The following BRSK2 variants were observed in gnomAD, a reference collection of about 807,000 sequenced individuals.
BRSK2 encodes serine/threonine-protein kinase BRSK2.
BRSK2 carries 19 observed loss-of-function variants against 83.3 expected under a neutral mutation model. The ratio of observed to expected loss-of-function variants is 0.23; its 90% CI spans 0.16 to 0.33. BRSK2 has a LOEUF of 0.33. Among genes scored for constraint, BRSK2 ranks in the 10% least tolerant of loss-of-function variants. The pLI is 1.00. For synonymous variants in BRSK2, 519 were observed against 435.4 expected, an observed-to-expected ratio of 1.19 and a Z score of -2.39; for missense variants, 798 against 1,042.3, an observed-to-expected ratio of 0.77 and a Z score of 3.23.
At chr11:1,404,837 A>G (rs1437800906) in intron 1 of BRSK2, among the ~76,000 whole-genome samples, 2 of 152,118 alleles carry the variant, frequency 1.3e-5, no homozygotes, top group Non-Finnish European at 2.9e-5. Flanking sequence ...TGGGACAGGC[A>G]GGCTCGCCGG....
chr11:1,443,136 C>A lies in BRSK2; in HGVS notation c.561C>A (p.Ile187=). 1.3e-6 allele frequency: 2 copies of A among 1,537,048 alleles called. No individual in the cohort carries two copies. Among genetic ancestry groups the A allele is most frequent in the Non-Finnish European group, 8.7e-7 (1 of 1,146,272 alleles). ...CCCACTACGCCTGCCCCGAGGTGAT[C>A]CGGGTGAGTCAGCGCCGCCGCGTGC... The part of the protein sequence containing the change: ...GSPHYACPEV[I]RGEKYDGRKA... The change falls in exon 6 of 20, where the codon ATC becomes ATA. Residue 187 remains isoleucine, a synonymous_variant. Transcript: ENST00000528841.
At position 1,454,688 on chromosome 11, in the gene BRSK2, C is replaced by A. The variant is rs781709796; in HGVS notation, c.1668+80C>A. ...CAGCCCCGAGAATCCAGCCTCCTCA[C>A]GTAGACAGGACATGTCCACGCGCAC... On this transcript the variant is annotated intron_variant, in intron 16 of 19. Transcript: ENST00000528841. The surrounding 1 kb of genome is among the most constrained non-coding windows in gnomAD (Gnocchi z 5.2). 8.4e-6 allele frequency: 13 copies of A among 1,556,010 alleles called. No individual in the cohort carries two copies. The Admixed American group carries it at 2.2e-4, about 27-fold the overall frequency.
intron 15 of BRSK2, among the ~76,000 whole-genome samples, chr11:1,453,321 C>T (rs1388587006): frequency 6.6e-6 from 1 of 152,182 alleles, no homozygotes; most frequent in Non-Finnish European, 1.5e-5. Flanking sequence ...CTATTTTTGC[C>T]AAATGCTGCA....
chr11:1,460,461 CTTTT>C (rs398015179), intron 19 of BRSK2, 35 bp from the exon 20 acceptor site: 1,341 of 542,128 alleles, frequency 2.5e-3, no homozygotes, highest in East Asian at 5.3e-3. Flanking sequence ...TTCTTTTTTC[CTTTT>C]TTTTTTTTTT....
intron 1 of BRSK2, among the ~76,000 whole-genome samples, chr11:1,413,315 C>T (rs1847751534): frequency 6.6e-6 from 1 of 152,048 alleles, no homozygotes. Context: ...TCTGGCCCAC[C>T]CCTCCCACCC....
intron 1 of BRSK2, among the ~76,000 whole-genome samples, chr11:1,419,746 C>T (rs1243599354): frequency 6.6e-6 from 1 of 152,174 alleles, no homozygotes; most frequent in Admixed American, 6.5e-5. Context: ...CCCGTCTCTA[C>T]TAAAAATACA....
chr11:1,445,178 T>A (rs1851848860), intron 9 of BRSK2, 116 bp from the exon 10 acceptor site: 2 of 1,478,412 alleles, frequency 1.4e-6, no homozygotes, highest in South Asian at 1.3e-5. Context: ...CTCCCCGGGC[T>A]GGGCACAGGG....
intron 10 of BRSK2, 54 bp downstream of exon 10, chr11:1,445,512 C>T (rs1851911473): frequency 1.9e-6 from 3 of 1,605,232 alleles, no homozygotes; most frequent in Non-Finnish European, 2.5e-6. Context: ...GGGAGCGCTG[C>T]CCCGGAGGAG....
rs759612768 is a variant in BRSK2, at chr11:1,460,923, CCTCTGCCTGT to C, written c.*206_*215del. On this transcript the variant is annotated 3_prime_UTR_variant, in exon 20 of 20. Transcript: ENST00000528841. ...CCGCTCTCTTTTCTCTCTGTCTCTGCCTCTGCCTGTCTCTGACAGCATCGCTTGTTTCCAC... is the reference window on the plus strand; with the variant it reads ...CCGCTCTCTTTTCTCTCTGTCTCTGCCTCTGACAGCATCGCTTGTTTCCAC... The C allele has an allele frequency of 3.1e-6, 5 of 1,610,938 alleles. No homozygotes were observed. The South Asian group carries it at 4.4e-5, about 14-fold the overall frequency.
At chr11:1,414,052 G>A (rs1847841903) in intron 1 of BRSK2, among the ~76,000 whole-genome samples, 1 of 152,238 alleles carries the variant, frequency 6.6e-6, no homozygotes, top group Non-Finnish European at 1.5e-5. Context: ...TTCTCCATCT[G>A]TGCTTAGTTT....
chr11:1,428,940 CGT>C (rs1233485110), intron 1 of BRSK2, among the ~76,000 whole-genome samples: 7 of 146,844 alleles, frequency 4.8e-5, no homozygotes, highest in East Asian at 2.1e-4. Flanking sequence ...GTACTGGGTG[CGT>C]GTGTGTGCAC....
rs1399048820 is a variant in BRSK2 at position 1,454,713 on chromosome 11, C to G, written c.1668+105C>G. On this transcript the variant is annotated intron_variant, in intron 16 of 19. Transcript: ENST00000528841. This position sits in a 1 kb window ranked among gnomAD's most constrained non-coding sequence, Gnocchi z 5.2. ...CGTAGACAGGACATGTCCACGCGCA[C>G]AGCACGGACGTCCGCTCACCCGTGG... 8 of 1,415,426 alleles carry G rather than the reference C, an allele frequency of 5.7e-6. No homozygotes were observed. In the East Asian group the frequency reaches 1.9e-4, roughly 34 times the overall value. 87.7% of individuals were successfully genotyped at this position (1,415,426 alleles called of 1,614,324 possible).
chr11:1,435,903 A>AGGGG, intron 1 of BRSK2, 137 bp from the exon 2 acceptor site: 1 of 609,086 alleles, frequency 1.6e-6, no homozygotes, highest in South Asian at 2.2e-5. Context: ...CCAGGCGGGC[A>AGGGG]GGGGCCTCCG....
chr11:1,456,932 A>C (rs538385681), intron 18 of BRSK2: 4 of 1,595,662 alleles, frequency 2.5e-6, no homozygotes, highest in Admixed American at 1.7e-5. Flanking sequence ...ACCACACTGA[A>C]AGGCGCCTCT....
intron 1 of BRSK2, among the ~76,000 whole-genome samples, chr11:1,392,052 C>G (rs758690372): frequency 6.6e-6 from 1 of 152,152 alleles, no homozygotes; most frequent in Non-Finnish European, 1.5e-5. Context: ...CCCTCTCTCC[C>G]GAGTTATGAC....
At chr11:1,394,264 C>A (rs1845918919) in intron 1 of BRSK2, among the ~76,000 whole-genome samples, 1 of 118,448 alleles carries the variant, frequency 8.4e-6, no homozygotes, top group African/African-American at 3.4e-5. Flanking sequence ...GAGATGGGTC[C>A]TGGAGATGGG....
At chr11:1,413,381 A>G (rs1379731675) in intron 1 of BRSK2, among the ~76,000 whole-genome samples, 1 of 149,238 alleles carries the variant, frequency 6.7e-6, no homozygotes, top group Non-Finnish European at 1.5e-5. Flanking sequence ...CCCCAGGACC[A>G]TGGTAGGAGA....
chr11:1,436,554 C>A (rs572714629), intron 2 of BRSK2, among the ~76,000 whole-genome samples: 1 of 152,078 alleles, frequency 6.6e-6, no homozygotes. Flanking sequence ...TGGCCTCCGT[C>A]GGCTCCATCC....
At chr11:1,401,607 C>G (rs1322967057) in intron 1 of BRSK2, among the ~76,000 whole-genome samples, 3 of 152,262 alleles carry the variant, frequency 2.0e-5, no homozygotes, top group Admixed American at 2.0e-4. Context: ...CAGCCTCTGC[C>G]CGTCCTCTCT....
Sources: allele counts gnomAD v4.1 joint callset (sites outside exome capture counted in the v4.1 genomes callset), GRCh38; gene constraint gnomAD v4.1.1; non-coding constraint Gnocchi (gnomAD v3.1); transcripts MANE v1.5; gene names NCBI Gene and HGNC (gene_info 2026-07-23, HGNC 2026-07-21).